ZNF804B: variants seen among roughly 807,000 people sequenced by gnomAD.
The protein encoded by ZNF804B is zinc finger 804B.
A neutral mutation model predicts 101.4 loss-of-function variants in ZNF804B; 80 were observed. The ratio of observed to expected loss-of-function variants is 0.79; its 90% confidence interval spans 0.66 to 0.95. The LOEUF is 0.95. ZNF804B is among the 40% of genes least tolerant of loss of function. ZNF804B has a pLI of 0.00. For synonymous variants in ZNF804B, 622 were observed against 558.8 expected, an observed-to-expected ratio of 1.11 and a Z score of -1.59; for missense variants, 1,673 against 1,561.9, an observed-to-expected ratio of 1.07 and a Z score of -1.20.
intron 1 of ZNF804B, among the ~76,000 whole-genome samples, chr7:89,156,019 C>CCTTTCTTTCTTTCTTTCTTT (rs58720640): frequency 2.4e-4 from 29 of 121,932 alleles, no homozygotes; most frequent in Admixed American, 1.5e-3. Context: ...TTCTCTCTTT[C>CCTTTCTTTCTTTCTTTCTTT]CTTTCTTTCT....
intron 1 of ZNF804B, among the ~76,000 whole-genome samples, chr7:88,816,997 T>G (rs373745867): frequency 0.017 from 2,589 of 151,000 alleles, 37 homozygotes; most frequent in Non-Finnish European, 0.024. Flanking sequence ...GTCCAACCAT[T>G]ATAGACTGGA....
At chr7:88,855,729 T>C (rs1250547916) in intron 1 of ZNF804B, among the ~76,000 whole-genome samples, 1 of 152,242 alleles carries the variant, frequency 6.6e-6, no homozygotes, top group Non-Finnish European at 1.5e-5. Flanking sequence ...AGGGTTTGTA[T>C]GGTTTTAGGT....
At chr7:89,102,569 G>C (rs1031687071) in intron 1 of ZNF804B, among the ~76,000 whole-genome samples, 2 of 151,836 alleles carry the variant, frequency 1.3e-5, no homozygotes, top group Admixed American at 6.6e-5. Context: ...GTTCTTTGTA[G>C]ATTGTGCATA....
intron 1 of ZNF804B, among the ~76,000 whole-genome samples, chr7:88,768,888 C>T (rs1249460200): frequency 6.6e-6 from 1 of 152,162 alleles, no homozygotes; most frequent in African/African-American, 2.4e-5. Context: ...CTCCTATTTT[C>T]GAATTCTAGT....
At chr7:88,776,068 A>G (rs1562790407) in intron 1 of ZNF804B, among the ~76,000 whole-genome samples, 1 of 152,166 alleles carries the variant, frequency 6.6e-6, no homozygotes, top group Non-Finnish European at 1.5e-5. Context: ...CTACTTCACC[A>G]TTATCAGGCT....
chr7:89,279,709 A>G (rs1391851732), intron 2 of ZNF804B, among the ~76,000 whole-genome samples: 4 of 152,020 alleles, frequency 2.6e-5, no homozygotes, highest in African/African-American at 9.7e-5. Flanking sequence ...AGCCCACTTG[A>G]TCATGGTGGG....
At chr7:89,310,870 GCTGCAGAGCAGGTAACAGC>G (rs1790641527) in intron 2 of ZNF804B, among the ~76,000 whole-genome samples, 1 of 152,202 alleles carries the variant, frequency 6.6e-6, no homozygotes, top group Admixed American at 6.5e-5. Context: ...GGGAAAGATT[GCTGCAGAGCAGGTAACAGC>G]CTGCCAAATA....
At chr7:88,760,375 G>A (rs561659351) in intron 1 of ZNF804B, among the ~76,000 whole-genome samples, 83 of 152,320 alleles carry the variant, frequency 5.4e-4, no homozygotes, top group African/African-American at 1.9e-3. Flanking sequence ...TCAGAAGGTA[G>A]CTCCTCTGTG....
At chr7:88,837,228 A>C (rs965679667) in intron 1 of ZNF804B, among the ~76,000 whole-genome samples, 3 of 152,068 alleles carry the variant, frequency 2.0e-5, no homozygotes, top group South Asian at 4.1e-4. Context: ...GCTATATGGC[A>C]AACATTTACT....
chr7:89,231,570 A>G (rs1350024967), intron 2 of ZNF804B, among the ~76,000 whole-genome samples: 1 of 152,028 alleles, frequency 6.6e-6, no homozygotes, highest in Non-Finnish European at 1.5e-5. Flanking sequence ...GAGTCTCCCA[A>G]TTTATACATA....
intron 1 of ZNF804B, among the ~76,000 whole-genome samples, chr7:88,763,813 G>C (rs1410894689): frequency 6.6e-6 from 1 of 152,030 alleles, no homozygotes; most frequent in Non-Finnish European, 1.5e-5. Flanking sequence ...TCAAGCCAAA[G>C]AAGTTTTTTA....
At chr7:89,165,234 G>A (rs540215893) in intron 1 of ZNF804B, among the ~76,000 whole-genome samples, 10 of 152,094 alleles carry the variant, frequency 6.6e-5, no homozygotes, top group African/African-American at 1.9e-4. Context: ...CATAATTGGG[G>A]TATTACATTT....
chr7:89,041,456 C>G (rs1789016357), intron 1 of ZNF804B, among the ~76,000 whole-genome samples: 1 of 152,082 alleles, frequency 6.6e-6, no homozygotes. Context: ...CTTCAGTCTG[C>G]AAGTGCCAGC....
At chr7:88,876,792 T>G (rs569834994) in intron 1 of ZNF804B, among the ~76,000 whole-genome samples, 1 of 142,846 alleles carries the variant, frequency 7.0e-6, no homozygotes, top group East Asian at 2.0e-4. Flanking sequence ...TTTTCAATAT[T>G]ATGCTTTAGC....
chr7:89,232,620 A>G (rs1352038724), intron 2 of ZNF804B, among the ~76,000 whole-genome samples: 2 of 152,134 alleles, frequency 1.3e-5, no homozygotes, highest in Non-Finnish European at 2.9e-5. Flanking sequence ...GTCTTTGTGT[A>G]GGTATTGTCC....
At chr7:88,809,749 T>A (rs569360584) in intron 1 of ZNF804B, among the ~76,000 whole-genome samples, 1 of 152,304 alleles carries the variant, frequency 6.6e-6, no homozygotes, top group Admixed American at 6.5e-5. Context: ...CTTATGAGAA[T>A]GTGAGGAGAT....
chr7:88,846,735 A>C (rs893148585), intron 1 of ZNF804B, among the ~76,000 whole-genome samples: 1 of 152,102 alleles, frequency 6.6e-6, no homozygotes, highest in Non-Finnish European at 1.5e-5. Flanking sequence ...TGAGACTACC[A>C]TATATATGTG....
At chr7:88,819,940 G>C (rs1164754134) in intron 1 of ZNF804B, among the ~76,000 whole-genome samples, 1 of 152,116 alleles carries the variant, frequency 6.6e-6, no homozygotes, top group Admixed American at 6.5e-5. Context: ...TTTGTCCTGT[G>C]AAGCTTCTTA....
intron 1 of ZNF804B, among the ~76,000 whole-genome samples, chr7:88,945,347 T>C (rs1234244869): frequency 6.6e-6 from 1 of 152,122 alleles, no homozygotes; most frequent in African/African-American, 2.4e-5. Flanking sequence ...AAATAAGGGA[T>C]CCTTTCCCTA....
Sources: gnomAD v4.1 joint callset for allele counts (sites outside exome capture counted in the v4.1 genomes callset) on GRCh38, gnomAD v4.1.1 for gene constraint, MANE v1.5 for transcripts, NCBI Gene and HGNC (gene_info 2026-07-23, HGNC 2026-07-21) for gene names.